The following PARP4 variants were observed in gnomAD, a reference collection of about 807,000 sequenced individuals.
PARP4 encodes protein mono-ADP-ribosyltransferase PARP4.
A neutral mutation model predicts 187.7 loss-of-function variants in PARP4; 120 were observed. The ratio of observed to expected loss-of-function variants is 0.64; its 90% CI spans 0.55 to 0.74. The LOEUF is 0.74. Among genes scored for constraint, PARP4 ranks in the 30% least tolerant of loss-of-function variants. PARP4 has a pLI of 0.00. For synonymous variants in PARP4, 654 were observed against 740.9 expected (o/e 0.88, Z 1.90); for missense variants, 1,836 against 2,070.5 (o/e 0.89, Z 2.20).
chr13:24,461,842 T>TC (rs1872230358), intron 17 of PARP4, among the ~76,000 whole-genome samples: 1 of 152,074 alleles, frequency 6.6e-6, no homozygotes, highest in Non-Finnish European at 1.5e-5. Context: ...TCAGAAGCCT[T>TC]CCTTTCTAGC....
intron 24 of PARP4, among the ~76,000 whole-genome samples, chr13:24,450,630 T>A (rs1392480229): frequency 6.6e-6 from 1 of 152,192 alleles, no homozygotes; most frequent in East Asian, 1.9e-4. Context: ...GGACCAGGAC[T>A]CACGCCAAGG....
rs1169892928 is a variant in PARP4, at chr13:24,469,060, C to T, written c.2097G>A (p.Gln699=). ...GACTCATCAGGTAAGCGCCATGGCCCTGGGTCACGGCTTCTAGGTACTCTT... is the reference window on the plus strand; with the variant it reads ...GACTCATCAGGTAAGCGCCATGGCCTTGGGTCACGGCTTCTAGGTACTCTT... ...AQQEYLEAVT[Q]GHGAYLMSQD... Residue 699 remains glutamine (Q), a synonymous_variant, in exon 17 of 34, where the codon CAG becomes CAA. Transcript: ENST00000381989. 2 of 1,613,930 alleles carry T rather than the reference C, an allele frequency of 1.2e-6. No individual in the cohort carries two copies. The highest frequency in any genetic ancestry group is 1.7e-6 in the Non-Finnish European group (2 of 1,179,916).
At chr13:24,445,919 T>C (rs550901013) in intron 27 of PARP4, among the ~76,000 whole-genome samples, 111 of 152,274 alleles carry the variant, frequency 7.3e-4, no homozygotes, top group Non-Finnish European at 1.2e-3. Flanking sequence ...AGTGTCAGAA[T>C]TGAATTAAAT....
intron 14 of PARP4, among the ~76,000 whole-genome samples, chr13:24,477,415 C>T (rs926467763): frequency 6.6e-6 from 1 of 151,772 alleles, no homozygotes; most frequent in African/African-American, 2.4e-5. Context: ...ACTTTGATCA[C>T]ACACTGTACT....
chr13:24,501,113 T>C (rs1304329449), intron 3 of PARP4, among the ~76,000 whole-genome samples: 1 of 152,240 alleles, frequency 6.6e-6, no homozygotes, highest in African/African-American at 2.4e-5. Flanking sequence ...TACCGTGTGC[T>C]TACTGTGAGT....
chr13:24,461,139 T>C (rs1212865633), intron 17 of PARP4, among the ~76,000 whole-genome samples: 1 of 152,222 alleles, frequency 6.6e-6, no homozygotes, highest in Non-Finnish European at 1.5e-5. Context: ...ATGTTCACCA[T>C]TCTAGTTGAC....
chr13:24,499,498 T>C (rs1869156031), intron 4 of PARP4, 122 bp from the exon 5 acceptor site: 1 of 743,980 alleles, frequency 1.3e-6, no homozygotes, highest in Non-Finnish European at 2.1e-6. Flanking sequence ...ACAAAACACA[T>C]GGTAAGTCCA....
At chr13:24,484,332 C>T (rs1013641649) in intron 12 of PARP4, among the ~76,000 whole-genome samples, 11 of 152,176 alleles carry the variant, frequency 7.2e-5, no homozygotes, top group East Asian at 1.9e-4. Context: ...CCACCATGCA[C>T]GGCTAATTTT....
At chr13:24,488,990 A>G (rs1868473094) in intron 10 of PARP4, among the ~76,000 whole-genome samples, 1 of 152,136 alleles carries the variant, frequency 6.6e-6, no homozygotes, top group African/African-American at 2.4e-5. Flanking sequence ...TTACTTTTTC[A>G]TGGCCGAATA....
intron 33 of PARP4, 98 bp downstream of exon 33, chr13:24,426,368 G>A: frequency 1.0e-6 from 1 of 958,554 alleles, no homozygotes; most frequent in East Asian, 2.6e-5. Flanking sequence ...TACTTATAGT[G>A]TACACATGTA....
intron 30 of PARP4, among the ~76,000 whole-genome samples, chr13:24,440,178 C>T (rs1441573887): frequency 1.3e-5 from 2 of 151,982 alleles, no homozygotes; most frequent in African/African-American, 2.4e-5. Flanking sequence ...GAGGCCGAGG[C>T]GGGTGAATCA....
intron 1 of PARP4, among the ~76,000 whole-genome samples, chr13:24,507,253 T>C (rs1024527496): frequency 1.3e-5 from 2 of 152,196 alleles, no homozygotes; most frequent in Non-Finnish European, 2.9e-5. Context: ...AGCGGCGGGC[T>C]GAAGGGCTCC....
intron 33 of PARP4, among the ~76,000 whole-genome samples, chr13:24,425,563 G>GTATATC: frequency 9.4e-6 from 1 of 106,878 alleles, no homozygotes; most frequent in Non-Finnish European, 2.0e-5. Flanking sequence ...GTGTGTGTGT[G>GTATATC]TGTGTGTATA....
chr13:24,442,886 T>TCA (rs59017097), intron 28 of PARP4, among the ~76,000 whole-genome samples: 60,021 of 151,626 alleles, frequency 0.4, 12,094 homozygotes, highest in African/African-American at 0.46. Flanking sequence ...TCCCTCTAGT[T>TCA]CAGAGAGCTC....
In PARP4 at chr13:24,446,651, T is replaced by C. The variant is rs1398820884; in HGVS notation, c.3366+30A>G. 2.2e-6 allele frequency: 3 copies of C among 1,361,590 alleles called. No homozygotes were observed. In the Admixed American group the frequency reaches 5.1e-5, roughly 23 times the overall value. 84.3% of individuals were successfully genotyped at this position (1,361,590 alleles called of 1,614,324 possible). On this transcript the variant is annotated intron_variant, in intron 27 of 33. Transcript: ENST00000381989. ...ATATAAAATCATAACTTTCAAACAATGGGTTGATAGTTTAGGTTTTGAATC... is the reference window on the plus strand; with the variant it reads ...ATATAAAATCATAACTTTCAAACAACGGGTTGATAGTTTAGGTTTTGAATC...
rs190631953 is a variant in PARP4 at position 24,434,491 on chromosome 13, C to T, written c.4650G>A (p.Leu1550=). Residue 1550 remains leucine, a synonymous_variant, in exon 31 of 34, where the codon CTG becomes CTA. Transcript: ENST00000381989. Reference sequence around the variant, plus strand: ...CCTCTTCTTTTACTTCCAGAAAGCACAGGATACTGTCATCTTTTGTATCAC... The same window carrying T: ...CCTCTTCTTTTACTTCCAGAAAGCATAGGATACTGTCATCTTTTGTATCAC... ...IKCDTKDDSI[L]CFLEVKEEDE... The T allele has an allele frequency of 1.9e-5, 30 of 1,613,696 alleles. No homozygotes were observed. Among genetic ancestry groups the T allele is most frequent in the African/African-American group, 4.0e-5 (3 of 75,052 alleles).
chr13:24,435,916 CAAAAA>C (rs56254149), intron 30 of PARP4, among the ~76,000 whole-genome samples: 2 of 87,928 alleles, frequency 2.3e-5, no homozygotes, highest in Admixed American at 1.1e-4. Context: ...TATTCTGTCT[CAAAAA>C]AAAAAAAAAA....
At chr13:24,457,926 T>C (rs1053799303) in intron 20 of PARP4, among the ~76,000 whole-genome samples, 4 of 151,892 alleles carry the variant, frequency 2.6e-5, no homozygotes, top group Non-Finnish European at 5.9e-5. Context: ...GTTATGAAAT[T>C]TCAGAATACC....
chr13:24,505,301 T>C (rs989246004), intron 1 of PARP4, among the ~76,000 whole-genome samples: 2 of 152,146 alleles, frequency 1.3e-5, no homozygotes, highest in African/African-American at 4.8e-5. Flanking sequence ...CTAAGGGTAC[T>C]TATAGGTATG....
Sources: allele counts gnomAD v4.1 joint callset (sites outside exome capture counted in the v4.1 genomes callset), GRCh38; gene constraint gnomAD v4.1.1; transcripts MANE v1.5; gene names NCBI Gene and HGNC (gene_info 2026-07-23, HGNC 2026-07-21).